Variants in AOAH observed in about 807,000 individuals in gnomAD.
AOAH encodes the protein acyloxyacyl hydrolase, also known as acyloxyacyl hydrolase (neutrophil).
In AOAH, 64 loss-of-function variants were observed where a neutral mutation model predicts 92.2. That is an observed-to-expected ratio of 0.69 (90% CI 0.57 to 0.86). The LOEUF is 0.86. Among genes scored for constraint, AOAH ranks in the 40% least tolerant of loss-of-function variants. AOAH has a pLI of 0.00. For missense variants in AOAH, 656 were observed against 694.6 expected, an observed-to-expected ratio of 0.94 and a Z score of 0.62; for synonymous variants, 263 against 254.5, an observed-to-expected ratio of 1.03 and a Z score of -0.32.
chr7:36,718,374 G>A (rs1167898366), intron 1 of AOAH, among the ~76,000 whole-genome samples: 1 of 152,170 alleles, frequency 6.6e-6, no homozygotes, highest in African/African-American at 2.4e-5. Context: ...AAATGGTGCA[G>A]CTGCTTGGAA....
intron 11 of AOAH, among the ~76,000 whole-genome samples, chr7:36,600,840 T>G (rs1483201109): frequency 6.6e-6 from 1 of 152,248 alleles, no homozygotes. Context: ...TGAAAAGTTC[T>G]GAAGTCCACA....
At position 36,682,012 on chromosome 7, in the gene AOAH, G is replaced by C. The variant is rs375375259; in HGVS notation, c.223+4687C>G. On this transcript the variant is annotated intron_variant, in intron 2 of 20. Transcript: ENST00000617537. ...TGGATGACAGATAAAACTGAGAACAGGAGAATCCCCAGATAGCTGACAGGT... is the reference window on the plus strand; with the variant it reads ...TGGATGACAGATAAAACTGAGAACACGAGAATCCCCAGATAGCTGACAGGT... Among the ~76,000 whole-genome samples the C allele has an allele frequency of 1.1e-4, 17 of 152,366 alleles. No individual in the cohort carries two copies. The East Asian group carries it at 1.9e-3, about 17-fold the overall frequency.
In AOAH at chr7:36,724,470, CA is replaced by C. The variant is rs1236944815; in HGVS notation, c.-323del. On this transcript the variant is annotated 5_prime_UTR_variant, in exon 1 of 21. Coordinates refer to ENST00000617537, the MANE Select transcript of AOAH (RefSeq NM_001637.4). ...AGAAAACCCAAGTTGCACAGTGGCA[CA>C]ACTTCCGTGCTCCCTGGCTCAGTGA... The C allele has an allele frequency of 4.3e-6, 1 of 230,556 alleles. No individual in the cohort carries two copies. Among genetic ancestry groups the C allele is most frequent in the East Asian group, 8.8e-5 (1 of 11,400 alleles). 14.3% of individuals were successfully genotyped at this position (230,556 alleles called of 1,614,324 possible).
chr7:36,718,986 T>C (rs961407574), intron 1 of AOAH, among the ~76,000 whole-genome samples: 2 of 152,206 alleles, frequency 1.3e-5, no homozygotes, highest in African/African-American at 4.8e-5. Context: ...GGGAAAAATA[T>C]TTTACCCTGA....
chr7:36,602,381 C>T (rs1390726248), intron 11 of AOAH, among the ~76,000 whole-genome samples: 1 of 151,590 alleles, frequency 6.6e-6, no homozygotes, highest in African/African-American at 2.4e-5. Context: ...CTCACTGCCG[C>T]ATACCAAATG....
intron 1 of AOAH, among the ~76,000 whole-genome samples, chr7:36,698,929 T>C (rs1437771949): frequency 6.6e-6 from 1 of 152,142 alleles, no homozygotes; most frequent in African/African-American, 2.4e-5. Context: ...TATGCATTTG[T>C]ACCCATTAAT....
In AOAH at chr7:36,624,879, G is replaced by T. The variant is rs374864893; in HGVS notation, c.522-1629C>A. 7.2e-5 allele frequency among the ~76,000 whole-genome samples: 11 copies of T among 152,222 alleles called. No individual in the cohort carries two copies. The East Asian group carries it at 1.5e-3, about 21-fold the overall frequency. ...TTGCTTCTTCTGTCCCCCTAGGGAT[G>T]CTGGTTGCCTCCTGCAGTCCTCATA... On this transcript the variant is annotated intron_variant, in intron 6 of 20. Coordinates refer to ENST00000617537, the MANE Select transcript of AOAH (RefSeq NM_001637.4).
chr7:36,677,748 C>T (rs759636177), intron 2 of AOAH, among the ~76,000 whole-genome samples: 5 of 152,126 alleles, frequency 3.3e-5, no homozygotes, highest in Admixed American at 6.5e-5. Context: ...TATACCTATA[C>T]GATGCAATAT....
intron 12 of AOAH, among the ~76,000 whole-genome samples, chr7:36,588,682 T>C (rs562614526): frequency 2.0e-5 from 3 of 152,332 alleles, no homozygotes; most frequent in East Asian, 1.9e-4. Context: ...TTCAGTGTTA[T>C]ACACTGATTT....
At chr7:36,708,238 T>G (rs1798553854) in intron 1 of AOAH, among the ~76,000 whole-genome samples, 1 of 152,162 alleles carries the variant, frequency 6.6e-6, no homozygotes, top group South Asian at 2.1e-4. Context: ...TCTTCAAGCT[T>G]TATTTTCTCT....
intron 1 of AOAH, among the ~76,000 whole-genome samples, chr7:36,698,971 C>G (rs1307932689): frequency 6.6e-6 from 1 of 151,980 alleles, no homozygotes; most frequent in African/African-American, 2.4e-5. Flanking sequence ...TCCCCCTATT[C>G]TTCCTGGCCT....
intron 1 of AOAH, among the ~76,000 whole-genome samples, chr7:36,718,322 G>A (rs1261160261): frequency 2.0e-5 from 3 of 152,186 alleles, no homozygotes; most frequent in East Asian, 3.8e-4. Flanking sequence ...TGGCAAGAAG[G>A]TGGAGAAGTT....
At chr7:36,709,472 T>C (rs1443562862) in intron 1 of AOAH, among the ~76,000 whole-genome samples, 1 of 152,226 alleles carries the variant, frequency 6.6e-6, no homozygotes, top group African/African-American at 2.4e-5. Flanking sequence ...ACTGATGATT[T>C]CCTGCGCCCT....
chr7:36,569,662 G>C (rs1787988313), intron 13 of AOAH, among the ~76,000 whole-genome samples: 1 of 151,752 alleles, frequency 6.6e-6, no homozygotes, highest in Admixed American at 6.6e-5. Context: ...CCAGGCCAGA[G>C]TGCAATGGCA....
chr7:36,607,434 T>C (rs1240047648), intron 11 of AOAH, among the ~76,000 whole-genome samples: 1 of 152,230 alleles, frequency 6.6e-6, no homozygotes, highest in Non-Finnish European at 1.5e-5. Context: ...GGGAGACTCC[T>C]GCTGGTGTTT....
chr7:36,689,016 C>T (rs10227407), intron 1 of AOAH, among the ~76,000 whole-genome samples: 1,798 of 152,200 alleles, frequency 0.012, 40 homozygotes, highest in African/African-American at 0.041. Flanking sequence ...TGGTCTCGAA[C>T]TCCTGGCCTC....
chr7:36,623,176 C>T lies in AOAH; in HGVS notation c.582+14G>A, dbSNP rs1792404902. 4 of 1,610,490 alleles carry T rather than the reference C, an allele frequency of 2.5e-6. No homozygotes were observed. The South Asian group carries it at 4.4e-5, about 18-fold the overall frequency. On this transcript the variant is annotated intron_variant, in intron 7 of 20. Transcript: ENST00000617537. The stretch of plus-strand genomic sequence containing the variant: ...GATGTTAGTGAACATCTGGTTATTC[C>T]TAACAATACTTACTGGGAAAACGCT...
chr7:36,592,751 A>G (rs1220853603), intron 12 of AOAH, among the ~76,000 whole-genome samples: 1 of 152,228 alleles, frequency 6.6e-6, no homozygotes, highest in Non-Finnish European at 1.5e-5. Flanking sequence ...ATGAGAGAAT[A>G]TCTATACAAC....
intron 13 of AOAH, among the ~76,000 whole-genome samples, chr7:36,569,213 G>T (rs1393821116): frequency 1.3e-5 from 2 of 151,476 alleles, no homozygotes; most frequent in African/African-American, 4.9e-5. Flanking sequence ...CCAAAGAGGT[G>T]TGTATATAAA....
Sources: allele counts gnomAD v4.1 joint callset (sites outside exome capture counted in the v4.1 genomes callset), GRCh38; gene constraint gnomAD v4.1.1; transcripts MANE v1.5; gene names NCBI Gene and HGNC (gene_info 2026-07-23, HGNC 2026-07-21).